The following SAMSN1 variants were observed in gnomAD, a reference collection of about 807,000 sequenced individuals.
SAMSN1 encodes the protein SAM domain, SH3 domain and nuclear localization signals 1.
A neutral mutation model predicts 42.0 loss-of-function variants in SAMSN1; 31 were observed. The ratio of observed to expected loss-of-function variants is 0.74; its 90% CI spans 0.55 to 1.00. The LOEUF is 1.00. SAMSN1 is among the 50% of genes least tolerant of loss of function. The probability of loss-of-function intolerance (pLI) is 0.00; values close to 1 mark genes in which losing one functional copy is unlikely to be tolerated. For synonymous variants in SAMSN1, 178 were observed against 151.9 expected (o/e 1.17, Z -1.26); for missense variants, 464 against 439.4 (o/e 1.06, Z -0.50).
rs984487631 is a variant in SAMSN1, at chr21:14,507,976, A to G, written c.561+2334T>C. ...TGGGGAAAGGACACCCTTTTCAACAAATGGTGCTAGGATAACTGGCTAGCC... is the reference window on the plus strand; with the variant it reads ...TGGGGAAAGGACACCCTTTTCAACAGATGGTGCTAGGATAACTGGCTAGCC... On this transcript the variant is annotated intron_variant, in intron 5 of 7. Coordinates refer to ENST00000400566, the MANE Select transcript of SAMSN1 (RefSeq NM_022136.5). Among the ~76,000 whole-genome samples, 41 of 152,228 alleles carry G rather than the reference A, an allele frequency of 2.7e-4. 1 individual carries two copies. The highest frequency in any genetic ancestry group is 5.9e-4 in the Non-Finnish European group (40 of 68,040).
At chr21:14,515,008 G>A (rs886427905) in intron 3 of SAMSN1, among the ~76,000 whole-genome samples, 1 of 152,044 alleles carries the variant, frequency 6.6e-6, no homozygotes, top group African/African-American at 2.4e-5. Context: ...GGATGAGAAA[G>A]AAAGCAGAGC....
intron 2 of SAMSN1, among the ~76,000 whole-genome samples, chr21:14,577,358 C>T (rs1439170946): frequency 6.9e-6 from 1 of 144,556 alleles, no homozygotes; most frequent in Non-Finnish European, 1.5e-5. Flanking sequence ...CATGATCCGC[C>T]TGCCTCAGCC....
Position 14,616,016 on chromosome 21 carries a change from C to A in SAMSN1, c.157G>T (p.Gly53Ter). Reference sequence around the variant, plus strand: ...TTTGCATTCTCTAAATTAGAAACTCCCTGTAAAATAAAATAAAATGAATAA... The same window carrying A: ...TTTGCATTCTCTAAATTAGAAACTCACTGTAAAATAAAATAAAATGAATAA... Residue 53 changes from glycine (G) to a stop codon, truncating the protein, a stop_gained and splice_region_variant, in exon 3 of 16, where the codon GGA becomes TGA. Coordinates refer to the SAMSN1 transcript ENST00000647101. LOFTEE classifies it high-confidence loss of function. 2 of 580,084 alleles carry A rather than the reference C, an allele frequency of 3.4e-6. No individual in the cohort carries two copies. Among genetic ancestry groups the A allele is most frequent in the East Asian group, 2.9e-5 (1 of 34,886 alleles). 35.9% of individuals were successfully genotyped at this position (580,084 alleles called of 1,614,324 possible).
At chr21:14,538,935 C>T (rs1008713518) in intron 1 of SAMSN1, among the ~76,000 whole-genome samples, 4 of 152,162 alleles carry the variant, frequency 2.6e-5, no homozygotes, top group Admixed American at 1.3e-4. Flanking sequence ...ATCTCCTTTA[C>T]TCAAAGAAAA....
At chr21:14,534,193 A>T (rs544617563) in intron 1 of SAMSN1, among the ~76,000 whole-genome samples, 96 of 152,328 alleles carry the variant, frequency 6.3e-4, no homozygotes, top group Non-Finnish European at 1.1e-3. Context: ...AATATTATCC[A>T]TTAGTCATTT....
intron 2 of SAMSN1, among the ~76,000 whole-genome samples, chr21:14,635,186 C>T (rs1983435091): frequency 6.6e-6 from 1 of 151,876 alleles, no homozygotes; most frequent in African/African-American, 2.4e-5. Context: ...TGTTAGGGGG[C>T]AATGACGAGG....
rs761905881 is a variant in SAMSN1 at position 14,500,698 on chromosome 21, A to T, written c.599T>A (p.Met200Lys). 1 of 1,614,060 alleles carries T rather than the reference A, an allele frequency of 6.2e-7. No homozygotes were observed. ...GTTCAACATTCCTGTCCACATCCCC[A>T]TTGGTGTTTTGCAAATAATGTCTAT... is the stretch of plus-strand genomic sequence containing the variant. ...DIIDIICKTP[M>K]GMWTGMLNNK... The change falls in exon 6 of 8, where the codon ATG becomes AAG. Residue 200 changes from methionine to lysine, a missense_variant. Transcript: ENST00000400566.
chr21:14,551,571 G>A (rs1980597360), intron 2 of SAMSN1, among the ~76,000 whole-genome samples: 1 of 151,880 alleles, frequency 6.6e-6, no homozygotes, highest in Non-Finnish European at 1.5e-5. Flanking sequence ...TGGTTTTAAA[G>A]TCATATAAGG....
At chr21:14,656,226 A>T (rs1185019201) in intron 1 of SAMSN1, among the ~76,000 whole-genome samples, 1 of 151,846 alleles carries the variant, frequency 6.6e-6, no homozygotes, top group African/African-American at 2.4e-5. Context: ...GTTTATATAG[A>T]AAAAAGACGA....
rs899719298 is a variant in SAMSN1 at position 14,510,477 on chromosome 21, G to C, written c.410-16C>G. The C allele has an allele frequency of 6.2e-7, 1 of 1,613,820 alleles. No individual in the cohort carries two copies. The highest frequency in any genetic ancestry group is 2.2e-5 in the East Asian group (1 of 44,878). ...GTTATGCCACCTGATGAAAGCAGAAGTTCACAGTTGTCATGGAAGACTTAT... is the reference window on the plus strand; with the variant it reads ...GTTATGCCACCTGATGAAAGCAGAACTTCACAGTTGTCATGGAAGACTTAT... On this transcript the variant is annotated splice_polypyrimidine_tract_variant and intron_variant, in intron 4 of 7. Transcript: ENST00000400566.
rs150874132 is a variant in SAMSN1, at chr21:14,616,905, G to A, written c.157-889C>T. Among the ~76,000 whole-genome samples the A allele has an allele frequency of 7.6e-4, 115 of 152,244 alleles. 1 individual carries two copies. In the South Asian group the frequency reaches 8.1e-3, roughly 11 times the overall value. ...TCAGGTCGTTAATAGTAACAGCCTGGGCACAGTGAAATCCAGGATAACCTT... is the reference window on the plus strand; with the variant it reads ...TCAGGTCGTTAATAGTAACAGCCTGAGCACAGTGAAATCCAGGATAACCTT... On this transcript the variant is annotated intron_variant, in intron 2 of 15. Coordinates refer to the SAMSN1 transcript ENST00000647101.
chr21:14,611,097 T>G (rs1249895595), intron 4 of SAMSN1, among the ~76,000 whole-genome samples: 1 of 152,252 alleles, frequency 6.6e-6, no homozygotes, highest in African/African-American at 2.4e-5. Flanking sequence ...GGCACATTTT[T>G]TTTTTTTTGT....
intron 7 of SAMSN1, among the ~76,000 whole-genome samples, chr21:14,591,022 A>G (rs1195796026): frequency 6.6e-6 from 1 of 152,228 alleles, no homozygotes; most frequent in Admixed American, 6.5e-5. Flanking sequence ...TTTCTTGGAA[A>G]TACAATTAAT....
upstream of SAMSN1, among the ~76,000 whole-genome samples, chr21:14,546,648 A>G (rs1343823897): frequency 2.1e-5 from 3 of 144,274 alleles, no homozygotes; most frequent in African/African-American, 7.8e-5. Context: ...ATAAAACTTG[A>G]GATGTTGGTT....
chr21:14,618,036 T>C (rs1460455069), intron 2 of SAMSN1, among the ~76,000 whole-genome samples: 1 of 152,198 alleles, frequency 6.6e-6, no homozygotes, highest in Non-Finnish European at 1.5e-5. Context: ...TGGACTGAGA[T>C]TAAAGTAATT....
intron 2 of SAMSN1, among the ~76,000 whole-genome samples, chr21:14,637,512 T>A (rs1983496782): frequency 6.6e-6 from 1 of 152,206 alleles, no homozygotes; most frequent in African/African-American, 2.4e-5. Context: ...ACTGCTGTAA[T>A]TGTCTTTTAG....
chr21:14,575,722 C>T (rs1175230937), intron 2 of SAMSN1, among the ~76,000 whole-genome samples: 3 of 152,162 alleles, frequency 2.0e-5, no homozygotes, highest in Admixed American at 6.5e-5. Context: ...ATACTACTCA[C>T]CACAAATGGG....
intron 7 of SAMSN1, among the ~76,000 whole-genome samples, chr21:14,486,974 A>G (rs1357687728): frequency 6.6e-6 from 1 of 152,182 alleles, no homozygotes; most frequent in African/African-American, 2.4e-5. Context: ...TTTAGCGTCA[A>G]CTTTCTCTCT....
chr21:14,612,340 T>A (rs1600963282), intron 4 of SAMSN1, among the ~76,000 whole-genome samples: 1 of 152,346 alleles, frequency 6.6e-6, no homozygotes, highest in Admixed American at 6.5e-5. Context: ...AAAAGAGAGA[T>A]AATCTATTAA....
Sources: gnomAD v4.1 joint callset for allele counts (sites outside exome capture counted in the v4.1 genomes callset) on GRCh38, gnomAD v4.1.1 for gene constraint, MANE v1.5 for transcripts, NCBI Gene and HGNC (gene_info 2026-07-23, HGNC 2026-07-21) for gene names.